The following STK33 variants were observed in gnomAD, a reference collection of about 807,000 sequenced individuals.
STK33 encodes the protein serine/threonine-protein kinase 33.
Under a neutral mutation model 58.0 loss-of-function variants are expected in STK33, and 52 were observed. That is an observed-to-expected ratio of 0.90 (90% CI 0.72 to 1.13). The LOEUF (loss-of-function observed/expected upper bound fraction) is 1.13, where lower values mean the gene tolerates loss of function less well. Ranked by LOEUF, STK33 falls within the 50% of genes most tolerant of loss-of-function variation. The probability of loss-of-function intolerance (pLI) is 0.00; values close to 1 mark genes in which losing one functional copy is unlikely to be tolerated. For synonymous variants in STK33, 215 were observed against 200.1 expected (o/e 1.07, Z -0.63); for missense variants, 630 against 604.2 (o/e 1.04, Z -0.45).
the STK33 span, among the ~76,000 whole-genome samples, chr11:8,383,112 G>A: frequency 6.6e-6 from 1 of 152,226 alleles, no homozygotes; most frequent in Non-Finnish European, 1.5e-5. Flanking sequence ...CCGAGGACTG[G>A]GGGTGACGGG....
intron 1 of STK33, among the ~76,000 whole-genome samples, chr11:8,543,269 C>A (rs941590590): frequency 2.0e-5 from 3 of 152,094 alleles, no homozygotes; most frequent in Non-Finnish European, 2.9e-5. Context: ...TTTCAAATGT[C>A]TTCAGTGATT....
At chr11:8,373,387 G>T in the STK33 span, among the ~76,000 whole-genome samples, 1 of 152,110 alleles carries the variant, frequency 6.6e-6, no homozygotes. Flanking sequence ...CTGCCCAGAT[G>T]ATTTTGATAG....
intron 14 of STK33, among the ~76,000 whole-genome samples, chr11:8,417,141 C>A (rs1278521304): frequency 6.6e-6 from 1 of 152,230 alleles, no homozygotes; most frequent in East Asian, 1.9e-4. Flanking sequence ...ACTCCTTTTA[C>A]TGGCTGCATC....
intron 14 of STK33, among the ~76,000 whole-genome samples, chr11:8,431,254 A>G (rs2136160358): frequency 6.6e-6 from 1 of 152,344 alleles, no homozygotes; most frequent in East Asian, 1.9e-4. Context: ...GAATAACTAC[A>G]TATAGTAAAA....
At chr11:8,368,987 C>T in the STK33 span, among the ~76,000 whole-genome samples, 1 of 152,154 alleles carries the variant, frequency 6.6e-6, no homozygotes, top group Non-Finnish European at 1.5e-5. Flanking sequence ...CTGCGTCCAT[C>T]TGTATGGAAT....
chr11:8,344,554 T>G, the STK33 span, among the ~76,000 whole-genome samples: 1 of 152,232 alleles, frequency 6.6e-6, no homozygotes, highest in Admixed American at 6.5e-5. Context: ...GGTTAAGTAA[T>G]GTGCTGAAGG....
chr11:8,569,990 C>T (rs1243462122), intron 1 of STK33, among the ~76,000 whole-genome samples: 2 of 151,876 alleles, frequency 1.3e-5, no homozygotes, highest in African/African-American at 2.4e-5. Flanking sequence ...AACGAATAGG[C>T]AAGCCACGGA....
chr11:8,450,321 C>T (rs1208472506), intron 11 of STK33, among the ~76,000 whole-genome samples: 1 of 152,114 alleles, frequency 6.6e-6, no homozygotes, highest in Non-Finnish European at 1.5e-5. Context: ...AAACCAAACA[C>T]TCCATGTTCT....
At chr11:8,424,160 C>T (rs1942367648) in intron 14 of STK33, among the ~76,000 whole-genome samples, 1 of 147,812 alleles carries the variant, frequency 6.8e-6, no homozygotes, top group South Asian at 2.3e-4. Flanking sequence ...CACAACAGGC[C>T]CCGGTGTGTG....
intron 1 of STK33, among the ~76,000 whole-genome samples, chr11:8,558,517 G>A (rs1254408225): frequency 6.6e-6 from 1 of 152,048 alleles, no homozygotes; most frequent in South Asian, 2.1e-4. Flanking sequence ...AAAACCTGAA[G>A]TTTACTTATA....
the STK33 span, among the ~76,000 whole-genome samples, chr11:8,344,198 A>AACACACACACACACAC: frequency 0.23 from 30,878 of 136,756 alleles, 3,800 homozygotes; most frequent in Non-Finnish European, 0.26. Flanking sequence ...AAACAAACAA[A>AACACACACACACACAC]ACACACACAC....
the STK33 span, among the ~76,000 whole-genome samples, chr11:8,349,904 T>C: frequency 6.6e-6 from 1 of 152,386 alleles, no homozygotes; most frequent in African/African-American, 2.4e-5. Context: ...TCATAAATCA[T>C]GTGCGTCCTC....
intron 15 of STK33, among the ~76,000 whole-genome samples, chr11:8,410,102 T>C (rs1025357356): frequency 3.3e-5 from 5 of 152,236 alleles, no homozygotes; most frequent in African/African-American, 1.2e-4. Context: ...TTTCATATGA[T>C]AGTTCTCATG....
chr11:8,519,588 A>G (rs1414290959), intron 1 of STK33, among the ~76,000 whole-genome samples: 2 of 152,222 alleles, frequency 1.3e-5, no homozygotes, highest in African/African-American at 4.8e-5. Context: ...AAATTGATAG[A>G]CTGCTAGCAA....
chr11:8,356,781 G>A, the STK33 span, among the ~76,000 whole-genome samples: 1 of 152,168 alleles, frequency 6.6e-6, no homozygotes, highest in Non-Finnish European at 1.5e-5. Flanking sequence ...TCAGATAGCT[G>A]GACCGTGACT....
At chr11:8,461,054 G>T (rs144853238) in intron 8 of STK33, among the ~76,000 whole-genome samples, 155 of 152,306 alleles carry the variant, frequency 1.0e-3, no homozygotes, top group African/African-American at 3.7e-3. Context: ...GGTCAACACT[G>T]TTATCAAGCC....
At chr11:8,511,652 TTCTATGCCAA>T (rs1952334924) in intron 1 of STK33, among the ~76,000 whole-genome samples, 1 of 152,178 alleles carries the variant, frequency 6.6e-6, no homozygotes. Context: ...GGTATGTCCC[TTCTATGCCAA>T]TCTTGTTGAG....
At chr11:8,562,579 T>C (rs1957186605) in intron 1 of STK33, among the ~76,000 whole-genome samples, 1 of 152,174 alleles carries the variant, frequency 6.6e-6, no homozygotes, top group Admixed American at 6.5e-5. Context: ...TTCTAGTCCA[T>C]AGCTAGGAAC....
At chr11:8,441,431 A>G (rs980062533) in intron 11 of STK33, among the ~76,000 whole-genome samples, 1 of 152,048 alleles carries the variant, frequency 6.6e-6, no homozygotes, top group African/African-American at 2.4e-5. Context: ...AGTTCACTGC[A>G]GCCTCAAACT....
Sources: gnomAD v4.1 joint callset for allele counts (sites outside exome capture counted in the v4.1 genomes callset) on GRCh38, gnomAD v4.1.1 for gene constraint, MANE v1.5 for transcripts, NCBI Gene and HGNC (gene_info 2026-07-23, HGNC 2026-07-21) for gene names.